MARCHF1: variants seen among roughly 807,000 people sequenced by gnomAD.
MARCHF1 encodes the protein E3 ubiquitin-protein ligase MARCHF1.
A neutral mutation model predicts 54.2 loss-of-function variants in MARCHF1; 40 were observed. That is an observed-to-expected ratio of 0.74 (90% CI 0.57 to 0.96). The LOEUF (loss-of-function observed/expected upper bound fraction) is 0.96. Ranked by LOEUF, MARCHF1 falls within the 40% of genes least tolerant of loss-of-function variation. The probability of loss-of-function intolerance (pLI) is 0.00; values close to 1 mark genes in which losing one functional copy is unlikely to be tolerated. For synonymous variants in MARCHF1, 236 were observed against 236.3 expected, an observed-to-expected ratio of 1.00 and a Z score of 0.01; for missense variants, 586 against 656.5, an observed-to-expected ratio of 0.89 and a Z score of 1.17.
At chr4:163,765,011 T>C (rs971408655) in intron 4 of MARCHF1, among the ~76,000 whole-genome samples, 1 of 152,018 alleles carries the variant, frequency 6.6e-6, no homozygotes, top group Admixed American at 6.6e-5. Flanking sequence ...GCTCTTGAGG[T>C]TTTCTCATGT....
intron 1 of MARCHF1, among the ~76,000 whole-genome samples, chr4:164,183,386 T>TATAA (rs1730884464): frequency 6.6e-6 from 1 of 152,190 alleles, no homozygotes; most frequent in South Asian, 2.1e-4. Flanking sequence ...TATTTCTTTA[T>TATAA]AATCTTTTGT....
chr4:163,550,483 C>T (rs1739072713), intron 8 of MARCHF1, among the ~76,000 whole-genome samples: 1 of 148,752 alleles, frequency 6.7e-6, no homozygotes, highest in Admixed American at 6.8e-5. Context: ...GCGCCAGGCC[C>T]AAACAGTAGC....
At chr4:163,974,512 C>G (rs1752612021) in intron 3 of MARCHF1, among the ~76,000 whole-genome samples, 1 of 152,180 alleles carries the variant, frequency 6.6e-6, no homozygotes, top group South Asian at 2.1e-4. Flanking sequence ...ATCTTTCCAG[C>G]TGAAGCCCAG....
chr4:163,663,265 C>T (rs1385754348), intron 5 of MARCHF1, among the ~76,000 whole-genome samples: 1 of 150,072 alleles, frequency 6.7e-6, no homozygotes, highest in Non-Finnish European at 1.5e-5. Context: ...AGTGTACATC[C>T]CACTCAGGCC....
At chr4:163,975,768 C>T (rs1435233006) in intron 3 of MARCHF1, among the ~76,000 whole-genome samples, 2 of 152,104 alleles carry the variant, frequency 1.3e-5, no homozygotes, top group African/African-American at 4.8e-5. Flanking sequence ...ATCATAAGGG[C>T]CTTAGGTCCA....
intron 3 of MARCHF1, among the ~76,000 whole-genome samples, chr4:163,904,801 G>GAGAGAT (rs1751028038): frequency 6.6e-6 from 1 of 151,736 alleles, no homozygotes; most frequent in South Asian, 2.1e-4. Context: ...AAGAGAGAGA[G>GAGAGAT]AGAGAGACAG....
In MARCHF1 at chr4:164,175,928, A is replaced by G. The variant is rs556449132; in HGVS notation, c.-322-64266T>C. Among the ~76,000 whole-genome samples, 64 of 152,222 alleles carry G rather than the reference A, an allele frequency of 4.2e-4. No individual in the cohort carries two copies. In the South Asian group the frequency reaches 0.013, roughly 31 times the overall value. On this transcript the variant is annotated intron_variant, in intron 1 of 9. Coordinates refer to ENST00000514618, the MANE Select transcript of MARCHF1 (RefSeq NM_001394959.1). The stretch of plus-strand genomic sequence containing the variant: ...AATACACCCCTGTAATCTTTTCTAA[A>G]TTGTTTCTATTTGGACCTCAATAAC...
At chr4:164,172,861 G>A (rs916560017) in intron 1 of MARCHF1, among the ~76,000 whole-genome samples, 2 of 151,762 alleles carry the variant, frequency 1.3e-5, no homozygotes, top group East Asian at 3.9e-4. Context: ...GGGGCCTGTA[G>A]TCCCAGCTAC....
At chr4:163,914,590 G>A (rs1449319166) in intron 3 of MARCHF1, among the ~76,000 whole-genome samples, 4 of 152,064 alleles carry the variant, frequency 2.6e-5, no homozygotes, top group Admixed American at 2.6e-4. Flanking sequence ...CAGATGGCTA[G>A]TTTTTTGAGT....
chr4:163,894,075 T>C (rs772330676), intron 3 of MARCHF1, among the ~76,000 whole-genome samples: 1 of 152,138 alleles, frequency 6.6e-6, no homozygotes, highest in Non-Finnish European at 1.5e-5. Context: ...TCCCAGAAAA[T>C]GAAGCAGCAT....
intron 1 of MARCHF1, among the ~76,000 whole-genome samples, chr4:164,353,948 A>G: frequency 9.9e-6 from 1 of 101,380 alleles, no homozygotes; most frequent in Non-Finnish European, 2.1e-5. Context: ...CTGATCCCAC[A>G]GAAATACAAA....
At chr4:163,724,567 T>C (rs1286012766) in intron 4 of MARCHF1, among the ~76,000 whole-genome samples, 1 of 152,118 alleles carries the variant, frequency 6.6e-6, no homozygotes, top group African/African-American at 2.4e-5. Context: ...TATGCAGAGG[T>C]TTCTGCTGCC....
intron 4 of MARCHF1, among the ~76,000 whole-genome samples, chr4:163,714,858 T>C (rs996899961): frequency 6.6e-6 from 1 of 152,018 alleles, no homozygotes; most frequent in Non-Finnish European, 1.5e-5. Context: ...AACTTTTTAT[T>C]TTTTGTGGAG....
intron 1 of MARCHF1, among the ~76,000 whole-genome samples, chr4:164,241,630 T>C (rs887447118): frequency 1.7e-4 from 26 of 152,156 alleles, no homozygotes; most frequent in African/African-American, 6.0e-4. Context: ...GGAGCCAAGA[T>C]GGCCCAATAG....
Position 163,527,249 on chromosome 4 carries a change from T to TCAA in MARCHF1, c.*1496_*1498dup, listed in dbSNP as rs905660789. The TCAA allele has an allele frequency of 2.0e-5, 3 of 152,064 alleles. No individual in the cohort carries two copies. Among genetic ancestry groups the TCAA allele is most frequent in the African/African-American group, 7.2e-5 (3 of 41,436 alleles). 9.4% of individuals were successfully genotyped at this position (152,064 alleles called of 1,614,324 possible). On this transcript the variant is annotated 3_prime_UTR_variant, in exon 10 of 10. Coordinates refer to ENST00000514618, the MANE Select transcript of MARCHF1 (RefSeq NM_001394959.1). ...CATGAATATGCAAAGAACACAATAA[T>TCAA]CAACTGTCAAACCTAAACGATTAAT...
Position 163,706,128 on chromosome 4 carries a change from A to G in MARCHF1, c.112-5265T>C, listed in dbSNP as rs75722657. Among the ~76,000 whole-genome samples, 1,179 of 152,206 alleles carry G rather than the reference A, an allele frequency of 7.7e-3. 9 individuals carry two copies. Among genetic ancestry groups the G allele is most frequent in the South Asian group, 0.028 (133 of 4,832 alleles). On this transcript the variant is annotated intron_variant, in intron 4 of 9. Transcript: ENST00000514618. ...TTTGGTTATAGGTTGCCTAAGGTCA[A>G]ATTTCCTCCAGTGAGATGTGACCAG...
At chr4:163,736,730 T>G (rs1554009119) in intron 4 of MARCHF1, among the ~76,000 whole-genome samples, 1 of 152,176 alleles carries the variant, frequency 6.6e-6, no homozygotes, top group Non-Finnish European at 1.5e-5. Flanking sequence ...CATGAAATTG[T>G]ATCACGTCTA....
chr4:164,325,068 T>A (rs1278224866), intron 1 of MARCHF1, among the ~76,000 whole-genome samples: 1 of 151,884 alleles, frequency 6.6e-6, no homozygotes, highest in Non-Finnish European at 1.5e-5. Context: ...AGATAAGTAA[T>A]CATATCGATA....
chr4:164,351,914 A>G (rs1730352608), intron 1 of MARCHF1, among the ~76,000 whole-genome samples: 1 of 151,072 alleles, frequency 6.6e-6, no homozygotes, highest in South Asian at 2.1e-4. Context: ...ACAAGTGCTT[A>G]AAGGAGCTGA....
Sources: gnomAD v4.1 joint callset for allele counts (sites outside exome capture counted in the v4.1 genomes callset) on GRCh38, gnomAD v4.1.1 for gene constraint, MANE v1.5 for transcripts, NCBI Gene and HGNC (gene_info 2026-07-23, HGNC 2026-07-21) for gene names.